TNRC6A: variants seen among roughly 807,000 people sequenced by gnomAD.
TNRC6A encodes the protein trinucleotide repeat-containing gene 6A protein.
A neutral mutation model predicts 221.2 loss-of-function variants in TNRC6A; 44 were observed. That is an observed-to-expected ratio of 0.20 (90% CI 0.16 to 0.26). The LOEUF is 0.26. Among genes scored for constraint, TNRC6A ranks in the 10% least tolerant of loss-of-function variants. The pLI is 1.00. For missense variants in TNRC6A, 2,199 were observed against 2,404.4 expected (o/e 0.91, Z 1.79); for synonymous variants, 847 against 838.5 (o/e 1.01, Z -0.18).
intron 6 of TNRC6A, among the ~76,000 whole-genome samples, chr16:24,792,553 G>A (rs2058126690): frequency 7.1e-6 from 1 of 141,088 alleles, no homozygotes; most frequent in Admixed American, 7.2e-5. Flanking sequence ...TTAAAAGGAA[G>A]AAGTATGTAT....
chr16:24,663,907 T>C lies in TNRC6A; in HGVS notation n.402+22898T>C, dbSNP rs1035267977. ...GAAGCCCTCTTATCAGGCAGAATATTTTAAGCCGTTAGCAGTTATCCTGCA... is the reference window on the plus strand; with the variant it reads ...GAAGCCCTCTTATCAGGCAGAATATCTTAAGCCGTTAGCAGTTATCCTGCA... On this transcript the variant is annotated intron_variant and non_coding_transcript_variant, in intron 2 of 2. Transcript: ENST00000566108. The C allele has an allele frequency of 6.6e-6, 3 of 456,594 alleles. No individual in the cohort carries two copies. In the Admixed American group the frequency reaches 7.0e-5, roughly 11 times the overall value. 28.3% of individuals were successfully genotyped at this position (456,594 alleles called of 1,614,324 possible).
In TNRC6A at chr16:24,721,334, T is replaced by C. The variant is rs202243783; in HGVS notation, n.403-29392T>C. 1.4e-4 allele frequency among the ~76,000 whole-genome samples: 21 copies of C among 152,244 alleles called. No individual in the cohort carries two copies. The East Asian group carries it at 3.9e-3, about 28-fold the overall frequency. On this transcript the variant is annotated intron_variant and non_coding_transcript_variant, in intron 2 of 2. Coordinates refer to the TNRC6A transcript ENST00000566108. Reference sequence around the variant, plus strand: ...CAAAAACTGTTCATACCAGATTTACTCATAATAGCCCCAAACTGGAAACAA... The same window carrying C: ...CAAAAACTGTTCATACCAGATTTACCCATAATAGCCCCAAACTGGAAACAA...
chr16:24,706,979 T>TTATTTA (rs1555492074), intron 2 of TNRC6A, among the ~76,000 whole-genome samples: 12 of 140,440 alleles, frequency 8.5e-5, no homozygotes, highest in African/African-American at 2.5e-4. Context: ...ATTTATCTAT[T>TTATTTA]TTTATTTATG....
At chr16:24,655,269 G>A (rs951183712) in intron 2 of TNRC6A, among the ~76,000 whole-genome samples, 1 of 151,756 alleles carries the variant, frequency 6.6e-6, no homozygotes, top group Admixed American at 6.6e-5. Flanking sequence ...AAGGCGGGGG[G>A]GAACACTGAT....
chr16:24,689,989 TAAAAAAAAAAAAAAAAAAAAAAA>T (rs60944175), intron 2 of TNRC6A, among the ~76,000 whole-genome samples: 24 of 97,510 alleles, frequency 2.5e-4, no homozygotes, highest in Non-Finnish European at 4.0e-4. Context: ...AGGCTTAAAG[TAAAAAAAAAAAAAAAAAAAAAAA>T]AAAAAAAAAA....
intron 1 of TNRC6A, among the ~76,000 whole-genome samples, chr16:24,612,897 T>C (rs1045664518): frequency 9.9e-5 from 15 of 152,024 alleles, no homozygotes; most frequent in South Asian, 6.2e-4. Flanking sequence ...CAAGATGATA[T>C]ATTGTTTCAA....
chr16:24,684,792 C>T (rs1057118863), intron 2 of TNRC6A, among the ~76,000 whole-genome samples: 4 of 152,142 alleles, frequency 2.6e-5, no homozygotes, highest in African/African-American at 4.8e-5. Flanking sequence ...GGCAACAGAG[C>T]GAGACTGTGT....
chr16:24,754,858 A>G (rs1195156083), intron 3 of TNRC6A, among the ~76,000 whole-genome samples: 1 of 152,196 alleles, frequency 6.6e-6, no homozygotes, highest in Non-Finnish European at 1.5e-5. Context: ...TTTTGCTGTT[A>G]CTGTGTTAAG....
intron 2 of TNRC6A, among the ~76,000 whole-genome samples, chr16:24,674,694 CCA>C (rs3219528): frequency 0.14 from 20,031 of 146,042 alleles, 1,346 homozygotes; most frequent in Middle Eastern, 0.18. Context: ...ACTGCCCCCA[CCA>C]CACACACACA....
chr16:24,773,360 T>G (rs1468454675), intron 4 of TNRC6A, among the ~76,000 whole-genome samples: 1 of 152,252 alleles, frequency 6.6e-6, no homozygotes, highest in Non-Finnish European at 1.5e-5. Flanking sequence ...TTTTCTGTTT[T>G]TAGCTGCAAA....
intron 2 of TNRC6A, chr16:24,662,226 G>C (rs2055049704): frequency 6.6e-6 from 1 of 152,070 alleles, no homozygotes; most frequent in African/African-American, 2.4e-5. Context: ...GAGGCAGGAG[G>C]ATTACTGGAG....
At chr16:24,637,678 C>T (rs1000198523) in intron 1 of TNRC6A, among the ~76,000 whole-genome samples, 6 of 152,016 alleles carry the variant, frequency 3.9e-5, no homozygotes, top group African/African-American at 4.8e-5. Context: ...AGAATGAGGG[C>T]GCCACAACCA....
intron 2 of TNRC6A, among the ~76,000 whole-genome samples, chr16:24,746,271 T>G (rs1224365033): frequency 6.6e-6 from 1 of 152,188 alleles, no homozygotes; most frequent in Non-Finnish European, 1.5e-5. Flanking sequence ...AAAAAAATCA[T>G]GTTTCCTAGC....
intron 2 of TNRC6A, among the ~76,000 whole-genome samples, chr16:24,707,436 A>G (rs2056118958): frequency 6.6e-6 from 1 of 152,152 alleles, no homozygotes; most frequent in African/African-American, 2.4e-5. Context: ...TGCTAAAAAG[A>G]AAAAATTAGC....
intron 2 of TNRC6A, among the ~76,000 whole-genome samples, chr16:24,668,344 C>CA (rs574113069): frequency 7.8e-4 from 88 of 112,218 alleles, no homozygotes; most frequent in Middle Eastern, 4.3e-3. Flanking sequence ...AACTCCATCT[C>CA]AAAAAAAAAA....
intron 2 of TNRC6A, among the ~76,000 whole-genome samples, chr16:24,737,700 T>C (rs915527022): frequency 1.1e-4 from 17 of 152,242 alleles, no homozygotes; most frequent in African/African-American, 3.9e-4. Flanking sequence ...CTCAGTTGTT[T>C]TGCTGTTCTT....
intron 2 of TNRC6A, among the ~76,000 whole-genome samples, chr16:24,696,986 A>G (rs1345363917): frequency 2.0e-5 from 3 of 152,136 alleles, no homozygotes; most frequent in African/African-American, 7.2e-5. Context: ...CCAGCTAGAT[A>G]GGAAAGATGA....
intron 2 of TNRC6A, among the ~76,000 whole-genome samples, chr16:24,716,744 G>A (rs1033951956): frequency 1.3e-5 from 2 of 151,894 alleles, no homozygotes; most frequent in African/African-American, 4.8e-5. Flanking sequence ...CAGATCACAA[G>A]GTCAAGAGAT....
intron 1 of TNRC6A, among the ~76,000 whole-genome samples, chr16:24,635,248 C>T (rs1901579119): frequency 6.8e-6 from 1 of 148,096 alleles, no homozygotes; most frequent in South Asian, 2.1e-4. Flanking sequence ...TGTTTTACTT[C>T]TTATTCATAA....
Sources: gnomAD v4.1 joint callset for allele counts (sites outside exome capture counted in the v4.1 genomes callset) on GRCh38, gnomAD v4.1.1 for gene constraint, MANE v1.5 for transcripts, NCBI Gene and HGNC (gene_info 2026-07-23, HGNC 2026-07-21) for gene names.